CCDC171: variants seen among roughly 807,000 people sequenced by gnomAD.
CCDC171 encodes the protein coiled-coil domain-containing protein 171.
A neutral mutation model predicts 168.2 loss-of-function variants in CCDC171; 177 were observed. That is an observed-to-expected ratio of 1.05 (90% CI 0.93 to 1.19). The LOEUF (loss-of-function observed/expected upper bound fraction) is 1.19. CCDC171 is among the 50% of genes most tolerant of loss of function. The pLI, the probability that CCDC171 is intolerant of heterozygous loss-of-function variation, is 0.00. For missense variants in CCDC171, 1,991 were observed against 1,539.0 expected (o/e 1.29, Z -4.91); for synonymous variants, 687 against 540.8 (o/e 1.27, Z -3.75).
At chr9:15,605,363 C>T (rs1286439665) in intron 6 of CCDC171, among the ~76,000 whole-genome samples, 1 of 151,744 alleles carries the variant, frequency 6.6e-6, no homozygotes, top group African/African-American at 2.4e-5. Context: ...AGGACTCTGA[C>T]ACTGATAACT....
intron 8 of CCDC171, chr9:16,036,348 A>T (rs1428721535): frequency 6.6e-6 from 1 of 152,312 alleles, no homozygotes; most frequent in African/African-American, 2.4e-5. Context: ...CAGAGAGACA[A>T]AAAAGAAATT....
At chr9:15,913,782 C>G (rs147117066) in intron 24 of CCDC171, among the ~76,000 whole-genome samples, 63 of 152,270 alleles carry the variant, frequency 4.1e-4, no homozygotes, top group African/African-American at 1.4e-3. Context: ...GTGGATTTGT[C>G]TACCTTTTGT....
Position 15,627,419 on chromosome 9 carries a change from A to G in CCDC171, c.822+4006A>G, listed in dbSNP as rs534976133. Among the ~76,000 whole-genome samples the G allele has an allele frequency of 1.3e-3, 203 of 152,054 alleles. 1 individual carries two copies. The highest frequency in any genetic ancestry group is 4.8e-3 in the African/African-American group (198 of 41,482). On this transcript the variant is annotated intron_variant, in intron 7 of 25. Transcript: ENST00000380701. ...TTTTAATTGTGATGTTAGGGTGTCAATTTTAGATCTTTCCTGCTTTCTCTT... is the reference window on the plus strand; with the variant it reads ...TTTTAATTGTGATGTTAGGGTGTCAGTTTTAGATCTTTCCTGCTTTCTCTT...
At chr9:15,982,796 G>C (rs566081314) in intron 3 of CCDC171, among the ~76,000 whole-genome samples, 2 of 152,142 alleles carry the variant, frequency 1.3e-5, no homozygotes, top group East Asian at 3.9e-4. Context: ...GAGTCTTCAC[G>C]ATTCATTTCC....
At chr9:15,568,468 C>A (rs2039937778) in intron 2 of CCDC171, among the ~76,000 whole-genome samples, 1 of 152,134 alleles carries the variant, frequency 6.6e-6, no homozygotes, top group African/African-American at 2.4e-5. Flanking sequence ...GATGGGGTTT[C>A]ACCGTGTTAG....
At chr9:15,650,439 G>A (rs2047425527) in intron 7 of CCDC171, among the ~76,000 whole-genome samples, 1 of 152,120 alleles carries the variant, frequency 6.6e-6, no homozygotes, top group Non-Finnish European at 1.5e-5. Flanking sequence ...TGTAGTGGGT[G>A]TGAAGGTATC....
At chr9:15,893,228 C>T (rs1820449459) in intron 24 of CCDC171, among the ~76,000 whole-genome samples, 1 of 152,116 alleles carries the variant, frequency 6.6e-6, no homozygotes, top group South Asian at 2.1e-4. Context: ...ACTGGCTAGC[C>T]ATATGCAAAA....
At chr9:15,556,713 T>G (rs1291535364) in intron 1 of CCDC171, among the ~76,000 whole-genome samples, 2 of 151,972 alleles carry the variant, frequency 1.3e-5, no homozygotes, top group African/African-American at 4.8e-5. Flanking sequence ...TGATGGTAGT[T>G]TCTTTTGCTG....
At chr9:15,643,013 T>G (rs1446866124) in intron 7 of CCDC171, among the ~76,000 whole-genome samples, 1 of 152,170 alleles carries the variant, frequency 6.6e-6, no homozygotes, top group Non-Finnish European at 1.5e-5. Context: ...GAAAATATTT[T>G]AAAATTGTTA....
chr9:16,034,690 A>G (rs1036063802), intron 6 of CCDC171, among the ~76,000 whole-genome samples: 3 of 152,222 alleles, frequency 2.0e-5, no homozygotes, highest in Admixed American at 6.5e-5. Context: ...CACTGCCCCA[A>G]TCCTGGGGGA....
At chr9:15,827,304 A>G (rs1021445740) in intron 21 of CCDC171, among the ~76,000 whole-genome samples, 1 of 152,044 alleles carries the variant, frequency 6.6e-6, no homozygotes, top group Non-Finnish European at 1.5e-5. Context: ...GGTTATTCCA[A>G]GTATAGTCTT....
chr9:15,658,057 C>T (rs1336436806), intron 8 of CCDC171, among the ~76,000 whole-genome samples: 1 of 152,184 alleles, frequency 6.6e-6, no homozygotes, highest in African/African-American at 2.4e-5. Flanking sequence ...GAAATATTTA[C>T]TCTGTGGCCC....
At chr9:15,862,005 T>C (rs1588896983) in intron 23 of CCDC171, among the ~76,000 whole-genome samples, 1 of 152,048 alleles carries the variant, frequency 6.6e-6, no homozygotes, top group Non-Finnish European at 1.5e-5. Flanking sequence ...TTGCCAGGTA[T>C]AGTGTTCTTA....
intron 6 of CCDC171, among the ~76,000 whole-genome samples, chr9:15,596,875 G>A (rs2042412178): frequency 1.3e-5 from 2 of 152,204 alleles, no homozygotes; most frequent in South Asian, 2.1e-4. Flanking sequence ...CTTGTAAGTT[G>A]GATTCCTAGG....
At chr9:15,720,891 A>G (rs2053435372) in intron 11 of CCDC171, among the ~76,000 whole-genome samples, 1 of 152,096 alleles carries the variant, frequency 6.6e-6, no homozygotes, top group South Asian at 2.1e-4. Flanking sequence ...TTCCTGTGTC[A>G]AGTGTTCTCA....
In CCDC171 at chr9:15,706,210, A is replaced by T. The variant is rs971363153; in HGVS notation, c.1318+10873A>T. Among the ~76,000 whole-genome samples, 18 of 150,926 alleles carry T rather than the reference A, an allele frequency of 1.2e-4. 1 individual carries two copies. Among genetic ancestry groups the T allele is most frequent in the African/African-American group, 4.4e-4 (18 of 41,146 alleles). ...GGAAATCTTTTTCTGCTTTGAACCC[A>T]TGTAGTCTTCCTTCCTTCCTTCCTT... On this transcript the variant is annotated intron_variant, in intron 11 of 25. Coordinates refer to ENST00000380701, the MANE Select transcript of CCDC171 (RefSeq NM_173550.4).
At chr9:15,698,249 C>T (rs1423568130) in intron 11 of CCDC171, among the ~76,000 whole-genome samples, 11 of 152,038 alleles carry the variant, frequency 7.2e-5, no homozygotes, top group African/African-American at 1.5e-4. Flanking sequence ...GGGCCAGGCG[C>T]GGTGGCTCAC....
chr9:15,746,120 A>G (rs904738855), intron 18 of CCDC171, among the ~76,000 whole-genome samples: 65 of 152,196 alleles, frequency 4.3e-4, no homozygotes, highest in African/African-American at 1.5e-3. Context: ...GGAACCACCT[A>G]TTATCAGCAA....
Position 15,623,475 on chromosome 9 carries a change from G to GCGCGCGCGCGCACACACACACACA in CCDC171, c.822+63_822+64insGCGCGCGCGCACACACACACACAC. The GCGCGCGCGCGCACACACACACACA allele has an allele frequency of 6.0e-4, 190 of 315,450 alleles. 1 individual carries two copies. The highest frequency in any genetic ancestry group is 2.8e-3 in the South Asian group (49 of 17,630). 19.5% of individuals were successfully genotyped at this position (315,450 alleles called of 1,614,324 possible). ...CAAACTTTCACATATGCGCGCGCGC[G>GCGCGCGCGCGCACACACACACACA]CACACACACACACACACACACACAC... On this transcript the variant is annotated intron_variant, in intron 7 of 25. Transcript: ENST00000380701.
Sources: gnomAD v4.1 joint callset for allele counts (sites outside exome capture counted in the v4.1 genomes callset) on GRCh38, gnomAD v4.1.1 for gene constraint, MANE v1.5 for transcripts, NCBI Gene and HGNC (gene_info 2026-07-23, HGNC 2026-07-21) for gene names.